The following CHAC2 variants were observed in gnomAD, a reference collection of about 807,000 sequenced individuals.
CHAC2 encodes ChaC glutathione specific gamma-glutamylcyclotransferase 2.
A neutral mutation model predicts 16.9 loss-of-function variants in CHAC2; 20 were observed. That is an observed-to-expected ratio of 1.18 (90% CI 0.83 to 1.72). CHAC2 has a LOEUF of 1.72. CHAC2 is among the 40% of genes most tolerant of loss of function. CHAC2 has a pLI of 0.00. For missense variants in CHAC2, 269 were observed against 222.2 expected (o/e 1.21, Z -1.34); for synonymous variants, 91 against 77.3 (o/e 1.18, Z -0.93).
chr2:53,774,466 G>C lies in CHAC2; in HGVS notation c.496G>C (p.Ala166Pro). 6.3e-7 allele frequency: 1 copy of C among 1,591,390 alleles called. No individual in the cohort carries two copies. Among genetic ancestry groups the C allele is most frequent in the Middle Eastern group, 1.7e-4 (1 of 5,916 alleles). Residue 166 changes from alanine to proline, a missense_variant, in exon 3 of 3, where the codon GCT becomes CCT. Coordinates refer to ENST00000295304, the MANE Select transcript of CHAC2 (RefSeq NM_001008708.4). The stretch of plus-strand genomic sequence containing the variant: ...AGAAGAAGCAGATGAGCATCTTTTC[G>C]CTTTGGAAAAATTAGTAAAGGAACG... ...VPEEADEHLF[A>P]LEKLVKERLE...
intron 2 of CHAC2, 92 bp from the exon 3 acceptor site, chr2:53,774,050 G>T: frequency 7.6e-7 from 1 of 1,319,708 alleles, no homozygotes; most frequent in East Asian, 2.3e-5. Context: ...AAACAGAAAA[G>T]AATATATGAG....
intron 1 of CHAC2, 65 bp from the exon 2 acceptor site, chr2:53,771,842 T>C (rs1673934931): frequency 2.4e-6 from 2 of 847,846 alleles, no homozygotes; most frequent in Non-Finnish European, 3.9e-6. Flanking sequence ...AAAATGTTGC[T>C]AATGCTCAGC....
intron 2 of CHAC2, among the ~76,000 whole-genome samples, chr2:53,772,422 C>T (rs1674002764): frequency 6.6e-6 from 1 of 152,128 alleles, no homozygotes; most frequent in Admixed American, 6.5e-5. Flanking sequence ...GATCCGCCCG[C>T]CTTGGCCTCC....
intron 1 of CHAC2, among the ~76,000 whole-genome samples, chr2:53,771,052 T>A (rs1673868043): frequency 6.6e-6 from 1 of 152,172 alleles, no homozygotes; most frequent in Non-Finnish European, 1.5e-5. Context: ...AGGAAAGTTG[T>A]TACAAATGCA....
rs1353281743 is a variant in CHAC2, at chr2:53,774,877, C to T, written c.*352C>T. 1.2e-5 allele frequency: 2 copies of T among 171,736 alleles called. No homozygotes were observed. The highest frequency in any genetic ancestry group is 1.6e-4 in the East Asian group (1 of 6,184). 10.6% of individuals were successfully genotyped at this position (171,736 alleles called of 1,614,324 possible). On this transcript the variant is annotated 3_prime_UTR_variant, in exon 3 of 3. Transcript: ENST00000295304. ...ATTCTAAACAATTAAACCAAAATTC[C>T]AATAAATATAAGGTTATGCCTTCAA... is the stretch of plus-strand genomic sequence containing the variant.
rs767257050 is a variant in CHAC2 at position 53,771,929 on chromosome 2, T to C, written c.158T>C (p.Val53Ala). 2.6e-6 allele frequency: 4 copies of C among 1,563,850 alleles called. No homozygotes were observed. Among genetic ancestry groups the C allele is most frequent in the East Asian group, 4.6e-5 (2 of 43,948 alleles). The part of the protein sequence containing the change: ...PGKPGRVVTL[V>A]EDPAGCVWGV... ...CAGCCTGGAAGAGTTGTGACTCTTG[T>C]TGAAGATCCTGCGGTATGGTATAAA... Residue 53 changes from valine (V) to alanine (A), a missense_variant, in exon 2 of 3, where the codon GTT becomes GCT. Transcript: ENST00000295304.
At chr2:53,773,740 A>C (rs1674116453) in intron 2 of CHAC2, among the ~76,000 whole-genome samples, 1 of 151,796 alleles carries the variant, frequency 6.6e-6, no homozygotes, top group Non-Finnish European at 1.5e-5. Flanking sequence ...ACTTTTAAAA[A>C]TATACAAGAT....
At chr2:53,769,829 T>G (rs1397496850) in intron 1 of CHAC2, among the ~76,000 whole-genome samples, 1 of 151,818 alleles carries the variant, frequency 6.6e-6, no homozygotes, top group Non-Finnish European at 1.5e-5. Context: ...GCAACAAGAG[T>G]GAAATTCCGT....
At chr2:53,773,401 C>CT (rs145606850) in intron 2 of CHAC2, among the ~76,000 whole-genome samples, 2,555 of 151,690 alleles carry the variant, frequency 0.017, 73 homozygotes, top group African/African-American at 0.059. Context: ...CTTCTGTGCA[C>CT]TTTAAGTGAA....
chr2:53,771,886 T>G, intron 1 of CHAC2, 21 bp from the exon 2 acceptor site: 1 of 1,514,286 alleles, frequency 6.6e-7, no homozygotes, highest in Non-Finnish European at 9.0e-7. Context: ...AGAAAAATTT[T>G]TTTTTACCTT....
At chr2:53,773,728 C>T (rs1674115682) in intron 2 of CHAC2, among the ~76,000 whole-genome samples, 1 of 151,436 alleles carries the variant, frequency 6.6e-6, no homozygotes, top group Admixed American at 6.6e-5. Flanking sequence ...CGCTCCTGGC[C>T]CACTTTTAAA....
At chr2:53,773,168 C>A (rs545859924) in intron 2 of CHAC2, among the ~76,000 whole-genome samples, 1 of 152,140 alleles carries the variant, frequency 6.6e-6, no homozygotes, top group South Asian at 2.1e-4. Context: ...TAACTTATAA[C>A]TCCTAATTAA....
intron 1 of CHAC2, among the ~76,000 whole-genome samples, chr2:53,769,416 G>A (rs963580051): frequency 1.1e-4 from 17 of 152,176 alleles, no homozygotes; most frequent in Non-Finnish European, 2.5e-4. Flanking sequence ...TATGTATGTG[G>A]CTATAACAAC....
Position 53,774,168 on chromosome 2 carries a change from A to G in CHAC2, c.198A>G (p.Arg66=), listed in dbSNP as rs758890369. The G allele has an allele frequency of 3.1e-6, 5 of 1,611,212 alleles. No individual in the cohort carries two copies. The African/African-American group carries it at 6.7e-5, about 22-fold the overall frequency. Residue 66 remains arginine, a synonymous_variant, in exon 3 of 3, where the codon AGA becomes AGG. Coordinates refer to ENST00000295304, the MANE Select transcript of CHAC2 (RefSeq NM_001008708.4). The part of the protein sequence containing the change: ...PAGCVWGVAY[R]LPVGKEEEVK... ...GATGTGTATGGGGTGTTGCTTACAG[A>G]TTGCCAGTAGGAAAGGAAGAAGAAG... is the stretch of plus-strand genomic sequence containing the variant.
chr2:53,767,847 C>G lies in CHAC2; in HGVS notation c.-40C>G, dbSNP rs765670565. The G allele has an allele frequency of 4.4e-6, 7 of 1,576,134 alleles. No individual in the cohort carries two copies. In the Middle Eastern group the frequency reaches 5.0e-4, roughly 113 times the overall value. ...TCAGTCCCCGGCGGCGCGGCGACAGCTAGGGTTCACGGCCACTGGGGCAGA... is the reference window on the plus strand; with the variant it reads ...TCAGTCCCCGGCGGCGCGGCGACAGGTAGGGTTCACGGCCACTGGGGCAGA... On this transcript the variant is annotated 5_prime_UTR_variant, in exon 1 of 3. Transcript: ENST00000295304.
chr2:53,773,093 G>A (rs568782640), intron 2 of CHAC2, among the ~76,000 whole-genome samples: 1 of 152,082 alleles, frequency 6.6e-6, no homozygotes, highest in East Asian at 1.9e-4. Flanking sequence ...ATAATGGTGT[G>A]GATTAGGAAA....
intron 1 of CHAC2, among the ~76,000 whole-genome samples, chr2:53,769,863 A>G (rs1673772862): frequency 6.6e-6 from 1 of 152,224 alleles, no homozygotes; most frequent in Non-Finnish European, 1.5e-5. Context: ...AGCTAAAAAA[A>G]GGTGTCTTTC....
chr2:53,772,749 T>C lies in CHAC2; in HGVS notation c.171+807T>C, dbSNP rs1674031577. On this transcript the variant is annotated intron_variant, in intron 2 of 2. Transcript: ENST00000295304. ...GAGTACATGTGCAGGATGTGCAAGT[T>C]TGTTACATAGGTAAACATGTGTCAT... is the stretch of plus-strand genomic sequence containing the variant. Among the ~76,000 whole-genome samples, 5 of 152,220 alleles carry C rather than the reference T, an allele frequency of 3.3e-5. No homozygotes were observed. In the South Asian group the frequency reaches 1.0e-3, roughly 32 times the overall value.
chr2:53,771,771 AT>A lies in CHAC2; in HGVS notation c.136-135del, dbSNP rs766472623. The A allele has an allele frequency of 2.9e-4, 197 of 681,748 alleles. 1 individual carries two copies. Among genetic ancestry groups the A allele is most frequent in the Admixed American group, 8.3e-4 (33 of 39,534 alleles). The allele number at this position is 681,748 out of a possible 1,614,324, so 42.2% of individuals were successfully genotyped here. A position where few individuals can be genotyped will look rare whatever the true frequency, so the allele number is the denominator to read the frequency against. On this transcript the variant is annotated intron_variant, in intron 1 of 2. Transcript: ENST00000295304. ...ATTCACTTAAGCTTTATCATAAAAA[AT>A]AACTATGCTTAAGAAATAGTGCTTC...
Sources: allele counts gnomAD v4.1 joint callset (sites outside exome capture counted in the v4.1 genomes callset), GRCh38; gene constraint gnomAD v4.1.1; transcripts MANE v1.5; gene names NCBI Gene and HGNC (gene_info 2026-07-23, HGNC 2026-07-21).